SCARF2: variants seen among roughly 807,000 people sequenced by gnomAD.
SCARF2 encodes scavenger receptor class F member 2, also known as scavenger receptor expressed by endothelial cells 2 protein.
A neutral mutation model predicts 73.4 loss-of-function variants in SCARF2; 39 were observed. The ratio of observed to expected loss-of-function variants is 0.53; its 90% CI spans 0.41 to 0.69. The LOEUF is 0.69. Ranked by LOEUF, SCARF2 falls within the 30% of genes least tolerant of loss-of-function variation. The probability of loss-of-function intolerance (pLI) is 0.00; values close to 1 mark genes in which losing one functional copy is unlikely to be tolerated. For synonymous variants in SCARF2, 605 were observed against 590.0 expected, an observed-to-expected ratio of 1.03 and a Z score of -0.37; for missense variants, 1,148 against 1,303.5, an observed-to-expected ratio of 0.88 and a Z score of 1.84.
Position 20,425,860 on chromosome 22 carries a change from C to T in SCARF2, c.2116G>A (p.Ala706Thr). 1.3e-6 allele frequency: 2 copies of T among 1,594,702 alleles called. No homozygotes were observed. The highest frequency in any genetic ancestry group is 1.7e-6 in the Non-Finnish European group (2 of 1,174,132). Residue 706 changes from alanine (A) to threonine (T), a missense_variant, in exon 11 of 11, where the codon GCG (alanine) becomes ACG (threonine). Coordinates refer to ENST00000622235, the MANE Select transcript of SCARF2 (RefSeq NM_182895.5). The surrounding 1 kb of genome is among the most constrained non-coding windows in gnomAD (Gnocchi z 4.6). Reference sequence around the variant, plus strand: ...GGGCTGCCGTGTTCGACCGTATGCGCCGATTTGTCGCTGGGCGTCCGTTTC... The same window carrying T: ...GGGCTGCCGTGTTCGACCGTATGCGTCGATTTGTCGCTGGGCGTCCGTTTC... ...KRKRTPSDKS[A>T]HTVEHGSPRT...
chr22:20,431,442 G>A lies in SCARF2; in HGVS notation c.430C>T (p.His144Tyr), dbSNP rs1192468314. 6.4e-7 allele frequency: 1 copy of A among 1,553,220 alleles called. No individual in the cohort carries two copies. Among genetic ancestry groups the A allele is most frequent in the Non-Finnish European group, 8.6e-7 (1 of 1,157,554 alleles). Residue 144 changes from histidine to tyrosine, a missense_variant, in exon 4 of 11, where the codon CAC (histidine) becomes TAC (tyrosine). This residue lies in a region of SCARF2 where 372 missense variants were observed against 532.0 expected (regional missense o/e 0.70). Coordinates refer to ENST00000622235, the MANE Select transcript of SCARF2 (RefSeq NM_182895.5). ...CAGCGCGCGCCCCAGCGCCGCGCGT[G>A]ACAAGTACACTGGCCTGTCACGTCC... ...CEDVTGQCTC[H>Y]ARRWGARCEH...
chr22:20,437,532 C>T (rs1329450401), intron 1 of SCARF2, 50 bp downstream of exon 1: 1 of 1,535,946 alleles, frequency 6.5e-7, no homozygotes, highest in African/African-American at 1.4e-5. Flanking sequence ...CGCCACACCA[C>T]TGCCCAGAGC....
Position 20,425,352 on chromosome 22 carries a change from G to GC in SCARF2, c.*22dup. On this transcript the variant is annotated 3_prime_UTR_variant, in exon 11 of 11. Coordinates refer to ENST00000622235, the MANE Select transcript of SCARF2 (RefSeq NM_182895.5). The surrounding 1 kb of genome is among the most constrained non-coding windows in gnomAD (Gnocchi z 4.6). ...GCGGCGCTGCGAAGCTGAGGGAGCTGCGCGCGGACGAGCCACAGCCTGCTA... is the reference window on the plus strand; with the variant it reads ...GCGGCGCTGCGAAGCTGAGGGAGCTGCCGCGCGGACGAGCCACAGCCTGCTA... The GC allele has an allele frequency of 7.3e-7, 1 of 1,374,564 alleles. No homozygotes were observed. The highest frequency in any genetic ancestry group is 9.5e-7 in the Non-Finnish European group (1 of 1,057,532). 85.1% of individuals were successfully genotyped at this position (1,374,564 alleles called of 1,614,324 possible). A position where few individuals can be genotyped will look rare whatever the true frequency, so the allele number is the denominator to read the frequency against.
Position 20,429,331 on chromosome 22 carries a change from C to A in SCARF2, c.1434G>T (p.Ser478=). The stretch of plus-strand genomic sequence containing the variant: ...GGTGCGGCGCCTTCTTCCTCCCAAG[C>A]GAAAGCTCCCTGCGGGGGCGGGGTC... ...RGKDPTRREL[S]LGRKKAPHRL... is the part of the protein sequence containing the mutation. Residue 478 remains serine (S), a synonymous_variant, in exon 9 of 11, where the codon TCG becomes TCT. Transcript: ENST00000622235. The surrounding 1 kb of genome is among the most constrained non-coding windows in gnomAD (Gnocchi z 5.2). 6.2e-7 allele frequency: 1 copy of A among 1,608,538 alleles called. No homozygotes were observed.
Position 20,429,341 on chromosome 22 carries a change from C to G in SCARF2, c.1425-1G>C, listed in dbSNP as rs966159595. On this transcript the variant is annotated splice_acceptor_variant, in intron 8 of 10. Transcript: ENST00000622235. LOFTEE classifies it high-confidence loss of function. The surrounding 1 kb of genome is among the most constrained non-coding windows in gnomAD (Gnocchi z 5.2). ...CTTCTTCCTCCCAAGCGAAAGCTCC[C>G]TGCGGGGGCGGGGTCTGAGCGGAGG... The G allele has an allele frequency of 3.5e-6, 5 of 1,445,738 alleles. No individual in the cohort carries two copies. The Admixed American group carries it at 7.2e-5, about 21-fold the overall frequency. The allele number at this position is 1,445,738 out of a possible 1,614,324, so 89.6% of individuals were successfully genotyped here. A position where few individuals can be genotyped will look rare whatever the true frequency, so the allele number is the denominator to read the frequency against.
chr22:20,427,268 C>T lies in SCARF2; in HGVS notation c.1693+130G>A, dbSNP rs2052589133. On this transcript the variant is annotated intron_variant, in intron 10 of 10. Coordinates refer to ENST00000622235, the MANE Select transcript of SCARF2 (RefSeq NM_182895.5). ...TGGCCTCAGCTCTGTGGGCAACCCT[C>T]AGGTACCAGCATGGCCAAGGCCTTC... 16 of 1,145,642 alleles carry T rather than the reference C, an allele frequency of 1.4e-5. 1 individual carries two copies. The South Asian group carries it at 2.2e-4, about 15-fold the overall frequency. The allele number at this position is 1,145,642 out of a possible 1,614,324, so 71.0% of individuals were successfully genotyped here. A position where few individuals can be genotyped will look rare whatever the true frequency, so the allele number is the denominator to read the frequency against.
chr22:20,429,375 CG>C lies in SCARF2; in HGVS notation c.1425-36del. 8.6e-6 allele frequency: 3 copies of C among 349,418 alleles called. No individual in the cohort carries two copies. Among genetic ancestry groups the C allele is most frequent in the Non-Finnish European group, 1.6e-5 (3 of 189,676 alleles). 21.6% of individuals were successfully genotyped at this position (349,418 alleles called of 1,614,324 possible). On this transcript the variant is annotated intron_variant, in intron 8 of 10. Transcript: ENST00000622235. The surrounding 1 kb of genome is among the most constrained non-coding windows in gnomAD (Gnocchi z 5.2). ...CGGGGTCTGAGCGGAGGGGCGGGGC[CG>C]GGGCGGGGCCCAGGGGCGATTAGAT... is the stretch of plus-strand genomic sequence containing the variant.
Position 20,425,269 on chromosome 22 carries a change from G to T in SCARF2, c.*106C>A, listed in dbSNP as rs2052558063. 2 of 984,468 alleles carry T rather than the reference G, an allele frequency of 2.0e-6. No individual in the cohort carries two copies. The highest frequency in any genetic ancestry group is 1.3e-6 in the Non-Finnish European group (1 of 741,500). 61.0% of individuals were successfully genotyped at this position (984,468 alleles called of 1,614,324 possible). A position where few individuals can be genotyped will look rare whatever the true frequency, so the allele number is the denominator to read the frequency against. On this transcript the variant is annotated 3_prime_UTR_variant, in exon 11 of 11. Coordinates refer to ENST00000622235, the MANE Select transcript of SCARF2 (RefSeq NM_182895.5). The surrounding 1 kb of genome is among the most constrained non-coding windows in gnomAD (Gnocchi z 4.6). ...AGACGCAACCTCCGCTAGCCGCGCG[G>T]TGCCCGGCCAATAGGAGGCCGCCCG...
chr22:20,431,433 G>A lies in SCARF2; in HGVS notation c.439C>T (p.Arg147Cys). 6.5e-7 allele frequency: 1 copy of A among 1,546,598 alleles called. No homozygotes were observed. Among genetic ancestry groups the A allele is most frequent in the Non-Finnish European group, 8.7e-7 (1 of 1,153,748 alleles). The part of the protein sequence containing the change: ...VTGQCTCHAR[R>C]WGARCEHACQ... The stretch of plus-strand genomic sequence containing the variant: ...GCATGCTCGCAGCGCGCGCCCCAGC[G>A]CCGCGCGTGACAAGTACACTGGCCT... The change falls in exon 4 of 11, where the codon CGC becomes TGC. Residue 147 changes from arginine to cysteine, a missense_variant. Transcript: ENST00000622235.
intron 5 of SCARF2, 55 bp from the exon 6 acceptor site, chr22:20,430,612 C>T (rs2052632850): frequency 1.2e-6 from 2 of 1,609,796 alleles, no homozygotes; most frequent in African/African-American, 2.7e-5. Flanking sequence ...GACCACAGCG[C>T]CCTCGACATT....
Position 20,427,473 on chromosome 22 carries a change from A to T in SCARF2, c.1618T>A (p.Ser540Thr), listed in dbSNP as rs755466480. 3.1e-6 allele frequency: 5 copies of T among 1,614,122 alleles called. No individual in the cohort carries two copies. The Admixed American group carries it at 6.7e-5, about 22-fold the overall frequency. Reference sequence around the variant, plus strand: ...GAGAAGGAGGCCCGAGAGGACCAGGATGGTGAGGGCTGCTCCAGCCCTGAG... The same window carrying T: ...GAGAAGGAGGCCCGAGAGGACCAGGTTGGTGAGGGCTGCTCCAGCCCTGAG... The part of the protein sequence containing the change: ...PPSGLEQPSP[S>T]WSSRASFSSF... The change falls in exon 10 of 11, where the codon TCC becomes ACC. Residue 540 changes from serine (S) to threonine (T), a missense_variant. By Grantham distance (58) the Ser-to-Thr change is moderately conservative (BLOSUM62 1). Around this residue, in one of 5 missense-constraint regions of SCARF2, gnomAD observed 437 missense variants for 433.6 expected, o/e 1.01. Transcript: ENST00000622235.
At position 20,429,663 on chromosome 22, in the gene SCARF2, G is replaced by A. The variant is rs759996535; in HGVS notation, c.1307-10C>T. The A allele has an allele frequency of 2.1e-5, 34 of 1,614,018 alleles. 1 individual carries two copies. The highest frequency in any genetic ancestry group is 1.6e-4 in the Middle Eastern group (1 of 6,062). On this transcript the variant is annotated splice_polypyrimidine_tract_variant and intron_variant, in intron 7 of 10. Coordinates refer to ENST00000622235, the MANE Select transcript of SCARF2 (RefSeq NM_182895.5). The surrounding 1 kb of genome is among the most constrained non-coding windows in gnomAD (Gnocchi z 5.2). Reference sequence around the variant, plus strand: ...TTGCGCTGGTTGGTTTCTGTAGGGGGTTATGGGGTCAGCGCGGTTTCTGGC... The same window carrying A: ...TTGCGCTGGTTGGTTTCTGTAGGGGATTATGGGGTCAGCGCGGTTTCTGGC...
chr22:20,432,004 G>A lies in SCARF2; in HGVS notation c.174-16C>T, dbSNP rs768037754. The stretch of plus-strand genomic sequence containing the variant: ...CACCTGGGAGCTGCGAGCAGAGGGA[G>A]GACATCTAAGCCCGATGCCCCTCCC... On this transcript the variant is annotated splice_polypyrimidine_tract_variant and intron_variant, in intron 1 of 10. Transcript: ENST00000622235. The A allele has an allele frequency of 1.2e-6, 2 of 1,605,438 alleles. No homozygotes were observed. Among genetic ancestry groups the A allele is most frequent in the Non-Finnish European group, 1.7e-6 (2 of 1,177,428 alleles).
chr22:20,425,010 CA>C lies in SCARF2; in HGVS notation c.*364del. 1 of 218,124 alleles carries C rather than the reference CA, an allele frequency of 4.6e-6. No individual in the cohort carries two copies. The highest frequency in any genetic ancestry group is 9.0e-6 in the Non-Finnish European group (1 of 110,618). The allele number at this position is 218,124 out of a possible 1,614,324, so 13.5% of individuals were successfully genotyped here. ...GGGCAGAAGTGCCTCTGGCTGCAAC[CA>C]ATGAGAAGGTAGCCCTAACCAAGTC... On this transcript the variant is annotated 3_prime_UTR_variant, in exon 11 of 11. Transcript: ENST00000622235. This position sits in a 1 kb window ranked among gnomAD's most constrained non-coding sequence, Gnocchi z 4.6.
chr22:20,424,595 G>C lies in SCARF2; in HGVS notation c.*780C>G, dbSNP rs982981651. 1.3e-5 allele frequency among the ~76,000 whole-genome samples: 2 copies of C among 152,240 alleles called. No individual in the cohort carries two copies. Among genetic ancestry groups the C allele is most frequent in the Non-Finnish European group, 2.9e-5 (2 of 68,036 alleles). Reference sequence around the variant, plus strand: ...AAGTGATCAGAGCATGAGGGGAAAGGCATTTTATTAAGAAAGCTTTGGCCA... The same window carrying C: ...AAGTGATCAGAGCATGAGGGGAAAGCCATTTTATTAAGAAAGCTTTGGCCA... On this transcript the variant is annotated 3_prime_UTR_variant, in exon 11 of 11. Transcript: ENST00000622235.
At position 20,430,510 on chromosome 22, in the gene SCARF2, A is replaced by G. The variant is rs577707701; in HGVS notation, c.1121T>C (p.Phe374Ser). 3.0e-5 allele frequency: 48 copies of G among 1,606,298 alleles called. 1 individual carries two copies. In the East Asian group the frequency reaches 4.9e-4, roughly 17 times the overall value. ...TCCGCTGCCGCAGTCGGCGCACACGAAGGCGCAGTCCTCGCCGTAAGTGCC... is the reference window on the plus strand; with the variant it reads ...TCCGCTGCCGCAGTCGGCGCACACGGAGGCGCAGTCCTCGCCGTAAGTGCC... Reference protein sequence around the residue: ...SNGTYGEDCAFVCADCGSGHC... With the variant: ...SNGTYGEDCASVCADCGSGHC... The change falls in exon 6 of 11, where the codon TTC becomes TCC. Residue 374 changes from phenylalanine to serine, a missense_variant. Physicochemically the swap from Phe to Ser is radical, Grantham distance 155 (BLOSUM62 -2). This residue lies in a region of SCARF2 where 372 missense variants were observed against 532.0 expected (regional missense o/e 0.70). Transcript: ENST00000622235.
Position 20,430,765 on chromosome 22 carries a change from G to A in SCARF2, c.998C>T (p.Pro333Leu), listed in dbSNP as rs1307138359. 3.1e-6 allele frequency: 5 copies of A among 1,607,306 alleles called. No individual in the cohort carries two copies. The East Asian group carries it at 9.0e-5, about 29-fold the overall frequency. Residue 333 changes from proline to leucine, a missense_variant, in exon 5 of 11, where the codon CCA becomes CTA. Transcript: ENST00000622235. Reference protein sequence around the residue: ...YGEGCSHRCPPCRDGHACNHV... With the variant: ...YGEGCSHRCPLCRDGHACNHV... ...GTTACAGGCATGCCCGTCGCGGCAT[G>A]GCGGACAGCGGTGGCTGCAGCCCTC... is the stretch of plus-strand genomic sequence containing the variant.
chr22:20,426,156 T>TCGG lies in SCARF2; in HGVS notation c.1817_1819dup (p.Ser606_Asp607insAla), dbSNP rs1386958268. ...CACGCTGGACGCCGACCGCTCGCTG[T>TCGG]CGGAGGACGCGGGGAGGGGTATCGC... On this transcript the variant is annotated inframe_insertion, in exon 11 of 11. Coordinates refer to ENST00000622235, the MANE Select transcript of SCARF2 (RefSeq NM_182895.5). The TCGG allele has an allele frequency of 2.7e-6, 4 of 1,479,660 alleles. No individual in the cohort carries two copies. In the African/African-American group the frequency reaches 5.7e-5, roughly 21 times the overall value. The allele number at this position is 1,479,660 out of a possible 1,614,324, so 91.7% of individuals were successfully genotyped here. A position where few individuals can be genotyped will look rare whatever the true frequency, so the allele number is the denominator to read the frequency against.
Position 20,429,302 on chromosome 22 carries a change from A to G in SCARF2, c.1463T>C (p.Leu488Pro). 1.9e-6 allele frequency: 3 copies of G among 1,571,880 alleles called. No homozygotes were observed. The highest frequency in any genetic ancestry group is 2.6e-6 in the Non-Finnish European group (3 of 1,155,292). ...SLGRKKAPHR[L>P]CGRFSRISMK... ...GCTGATGCGACTGAAGCGCCCGCAT[A>G]GTCGGTGCGGCGCCTTCTTCCTCCC... Residue 488 changes from leucine (L) to proline (P), a missense_variant, in exon 9 of 11, where the codon CTA (leucine) becomes CCA (proline). This residue lies in a region of SCARF2 where 437 missense variants were observed against 433.6 expected (regional missense o/e 1.01). Coordinates refer to ENST00000622235, the MANE Select transcript of SCARF2 (RefSeq NM_182895.5). This position sits in a 1 kb window ranked among gnomAD's most constrained non-coding sequence, Gnocchi z 5.2.
Sources: gnomAD v4.1 joint callset for allele counts (sites outside exome capture counted in the v4.1 genomes callset) on GRCh38, gnomAD v4.1.1 for gene constraint, gnomAD v4.1.1 regional missense constraint, Gnocchi (gnomAD v3.1) non-coding constraint, MANE v1.5 for transcripts, NCBI Gene and HGNC (gene_info 2026-07-23, HGNC 2026-07-21) for gene names.